Variants in CSMD1 observed in about 807,000 individuals in gnomAD.
CSMD1 encodes CUB and Sushi multiple domains 1, also known as CUB and sushi domain-containing protein 1.
CSMD1 carries 213 observed loss-of-function variants against 417.5 expected under a neutral mutation model. The observed-to-expected ratio is 0.51, with a 90% confidence interval of 0.46 to 0.57. The LOEUF is 0.57. Ranked by LOEUF, CSMD1 falls within the 20% of genes least tolerant of loss-of-function variation. The pLI, the probability that CSMD1 is intolerant of heterozygous loss-of-function variation, is 0.00. For missense variants in CSMD1, 6,923 were observed against 4,529.7 expected (o/e 1.53, Z -15.17); for synonymous variants, 2,862 against 1,736.8 (o/e 1.65, Z -16.11).
At chr8:4,545,306 C>G (rs1308847636) in intron 2 of CSMD1, among the ~76,000 whole-genome samples, 1 of 152,168 alleles carries the variant, frequency 6.6e-6, no homozygotes, top group Non-Finnish European at 1.5e-5. Context: ...AATGACTCAA[C>G]AGTTTCTAAC....
chr8:3,550,584 T>C (rs542193387), intron 10 of CSMD1, among the ~76,000 whole-genome samples: 4 of 152,220 alleles, frequency 2.6e-5, no homozygotes, highest in Non-Finnish European at 4.4e-5. Flanking sequence ...GGGTGCATCA[T>C]CCCTAAGTTC....
intron 7 of CSMD1, among the ~76,000 whole-genome samples, chr8:3,705,171 G>T (rs1444559043): frequency 2.0e-5 from 3 of 152,206 alleles, no homozygotes; most frequent in African/African-American, 7.2e-5. Flanking sequence ...GGCAGGGGAA[G>T]GAGTCGCCAC....
At chr8:4,989,167 C>T (rs1050320138) in intron 1 of CSMD1, among the ~76,000 whole-genome samples, 1 of 152,064 alleles carries the variant, frequency 6.6e-6, no homozygotes, top group Admixed American at 6.6e-5. Context: ...TAATTGAAGG[C>T]AAGGTAAAAA....
At chr8:4,629,465 G>T (rs1802375016) in intron 2 of CSMD1, among the ~76,000 whole-genome samples, 3 of 152,128 alleles carry the variant, frequency 2.0e-5, no homozygotes, top group South Asian at 4.1e-4. Flanking sequence ...TCAATTGAAG[G>T]ATTATTTAAA....
At chr8:4,287,413 G>A (rs189580352) in intron 3 of CSMD1, among the ~76,000 whole-genome samples, 29 of 152,210 alleles carry the variant, frequency 1.9e-4, no homozygotes, top group South Asian at 1.7e-3. Context: ...CCACCAGAAG[G>A]TTTCTTTCTA....
chr8:3,394,300 T>A (rs1215128204), intron 17 of CSMD1, among the ~76,000 whole-genome samples: 2 of 148,414 alleles, frequency 1.3e-5, no homozygotes, highest in Non-Finnish European at 3.0e-5. Flanking sequence ...ATATTATTAT[T>A]ATAATATTAG....
intron 12 of CSMD1, among the ~76,000 whole-genome samples, chr8:3,468,345 G>C (rs1816900074): frequency 6.6e-6 from 1 of 152,106 alleles, no homozygotes; most frequent in African/African-American, 2.4e-5. Flanking sequence ...AGTATTTTCA[G>C]ATTCACTATA....
chr8:4,957,648 C>T (rs2117315819), intron 1 of CSMD1, among the ~76,000 whole-genome samples: 1 of 152,252 alleles, frequency 6.6e-6, no homozygotes, highest in East Asian at 1.9e-4. Flanking sequence ...GTTTACCATT[C>T]TAGAGTTAAA....
At chr8:4,459,511 A>G (rs1014873852) in intron 2 of CSMD1, among the ~76,000 whole-genome samples, 1 of 152,186 alleles carries the variant, frequency 6.6e-6, no homozygotes, top group African/African-American at 2.4e-5. Context: ...AAATAAATGG[A>G]AATTGTGAGG....
chr8:3,182,033 T>C (rs892114221), intron 36 of CSMD1, among the ~76,000 whole-genome samples: 18 of 152,186 alleles, frequency 1.2e-4, no homozygotes, highest in African/African-American at 3.9e-4. Flanking sequence ...AAATTGGAAG[T>C]GTAGACATAC....
At chr8:4,202,549 C>G (rs1028803051) in intron 3 of CSMD1, among the ~76,000 whole-genome samples, 9 of 152,170 alleles carry the variant, frequency 5.9e-5, no homozygotes, top group African/African-American at 2.2e-4. Context: ...GTCAGGACAT[C>G]AGCCTCGACA....
chr8:4,010,047 A>G (rs1262415667), intron 4 of CSMD1, among the ~76,000 whole-genome samples: 2 of 152,192 alleles, frequency 1.3e-5, no homozygotes, highest in South Asian at 2.1e-4. Context: ...TCGAAAACTG[A>G]AAGTCAATTA....
chr8:3,282,828 A>T (rs919124600), intron 26 of CSMD1, among the ~76,000 whole-genome samples: 1 of 152,146 alleles, frequency 6.6e-6, no homozygotes, highest in Non-Finnish European at 1.5e-5. Context: ...ACCTAACTCA[A>T]TTTTCTTATG....
chr8:3,935,021 G>T (rs940765827), intron 5 of CSMD1, among the ~76,000 whole-genome samples: 1 of 152,126 alleles, frequency 6.6e-6, no homozygotes, highest in African/African-American at 2.4e-5. Context: ...TGGAGTATCT[G>T]AACTCCAAAG....
At chr8:3,717,360 C>A (rs1015039965) in intron 6 of CSMD1, among the ~76,000 whole-genome samples, 4 of 151,870 alleles carry the variant, frequency 2.6e-5, no homozygotes, top group African/African-American at 9.7e-5. Flanking sequence ...AATATTAGTC[C>A]CACTATAATA....
intron 2 of CSMD1, among the ~76,000 whole-genome samples, chr8:4,458,316 C>CTTTT: frequency 6.6e-6 from 1 of 151,848 alleles, no homozygotes; most frequent in Non-Finnish European, 1.5e-5. Flanking sequence ...TTTGTGTGCG[C>CTTTT]ACAAGGGATC....
intron 12 of CSMD1, among the ~76,000 whole-genome samples, chr8:3,427,553 A>G (rs1016637384): frequency 6.6e-6 from 1 of 152,190 alleles, no homozygotes; most frequent in African/African-American, 2.4e-5. Flanking sequence ...ATATAGGTGT[A>G]TGGAAATAAT....
intron 2 of CSMD1, among the ~76,000 whole-genome samples, chr8:4,507,111 T>C (rs575143910): frequency 1.3e-5 from 2 of 152,298 alleles, no homozygotes; most frequent in South Asian, 4.1e-4. Flanking sequence ...TATCCTACAC[T>C]TTGATACATT....
At chr8:4,129,578 C>T (rs967527090) in intron 3 of CSMD1, among the ~76,000 whole-genome samples, 2 of 20,716 alleles carry the variant, frequency 9.7e-5, no homozygotes, top group South Asian at 6.0e-3. Flanking sequence ...ATTTACTTTA[C>T]GTTTTTTATT....
Sources: gnomAD v4.1 joint callset for allele counts (sites outside exome capture counted in the v4.1 genomes callset) on GRCh38, gnomAD v4.1.1 for gene constraint, MANE v1.5 for transcripts, NCBI Gene and HGNC (gene_info 2026-07-23, HGNC 2026-07-21) for gene names.